Variants in MORC2 observed in about 807,000 individuals in gnomAD.
MORC2 encodes ATPase MORC2.
Under a neutral mutation model 136.0 loss-of-function variants are expected in MORC2, and 30 were observed. That is an observed-to-expected ratio of 0.22 (90% confidence interval 0.17 to 0.30). MORC2 has a LOEUF of 0.30. Among genes scored for constraint, MORC2 ranks in the 10% least tolerant of loss-of-function variants. MORC2 has a pLI of 1.00. For synonymous variants in MORC2, 439 were observed against 487.0 expected (o/e 0.90, Z 1.30); for missense variants, 922 against 1,333.1 (o/e 0.69, Z 4.80).
intron 20 of MORC2, 111 bp downstream of exon 20, chr22:30,933,949 T>C: frequency 7.4e-7 from 1 of 1,354,410 alleles, no homozygotes. Flanking sequence ...GCTGGTGGGT[T>C]GTGTAGACTG....
Position 30,932,509 on chromosome 22 carries a change from C to G in MORC2, c.2747+36G>C. The G allele has an allele frequency of 1.2e-6, 2 of 1,612,916 alleles. No individual in the cohort carries two copies. The highest frequency in any genetic ancestry group is 1.7e-6 in the Non-Finnish European group (2 of 1,178,978). On this transcript the variant is annotated intron_variant, in intron 23 of 25. Transcript: ENST00000397641. The surrounding 1 kb of genome is among the most constrained non-coding windows in gnomAD (Gnocchi z 4.4). ...GCATGGAGCAGGCAGAGAGCTGCTG[C>G]TGGCCCTGGGGTGGGAAGACAAAAG...
intron 3 of MORC2, among the ~76,000 whole-genome samples, chr22:30,955,138 A>T (rs1002252211): frequency 6.6e-6 from 1 of 151,966 alleles, no homozygotes; most frequent in Non-Finnish European, 1.5e-5. Flanking sequence ...TTGTATTTTT[A>T]GTAGAGACAG....
chr22:30,933,651 C>A, intron 20 of MORC2, 131 bp from the exon 21 acceptor site: 1 of 867,210 alleles, frequency 1.2e-6, no homozygotes, highest in African/African-American at 1.7e-5. Context: ...TCACCAAGCC[C>A]CGTTGAGAGC....
intron 1 of MORC2, among the ~76,000 whole-genome samples, chr22:30,965,173 T>TA (rs2041108587): frequency 6.6e-6 from 1 of 152,246 alleles, no homozygotes; most frequent in Non-Finnish European, 1.5e-5. Flanking sequence ...TCACTGCTTC[T>TA]AAGTCTACAT....
At chr22:30,930,629 T>C (rs929481121) in intron 24 of MORC2, among the ~76,000 whole-genome samples, 1 of 152,210 alleles carries the variant, frequency 6.6e-6, no homozygotes, top group African/African-American at 2.4e-5. Flanking sequence ...AACTCCATGT[T>C]TTTATCTCTG....
chr22:30,945,324 G>A (rs998540835), intron 6 of MORC2, among the ~76,000 whole-genome samples: 2 of 152,160 alleles, frequency 1.3e-5, no homozygotes, highest in Admixed American at 6.5e-5. Context: ...ACGTAATGAC[G>A]GAAGGCCTAC....
intron 1 of MORC2, among the ~76,000 whole-genome samples, chr22:30,962,556 C>T (rs971542328): frequency 1.3e-5 from 2 of 149,116 alleles, no homozygotes; most frequent in African/African-American, 2.5e-5. Context: ...GACTGCGCCA[C>T]GGCACACCAA....
At chr22:30,958,775 T>C in intron 1 of MORC2, 81 bp from the exon 2 acceptor site, 1 of 1,326,376 alleles carries the variant, frequency 7.5e-7, no homozygotes, top group South Asian at 1.3e-5. Context: ...TATAAAATAT[T>C]TAAGTTTTTT....
chr22:30,964,240 C>A (rs1244612661), intron 1 of MORC2, among the ~76,000 whole-genome samples: 3 of 152,064 alleles, frequency 2.0e-5, no homozygotes, highest in Non-Finnish European at 4.4e-5. Context: ...GCCTGTAGTC[C>A]CAGCTACTTG....
chr22:30,925,305 G>A lies in MORC2; in HGVS notation c.*1498C>T. 3.7e-6 allele frequency: 1 copy of A among 273,262 alleles called. No individual in the cohort carries two copies. Among genetic ancestry groups the A allele is most frequent in the South Asian group, 3.7e-5 (1 of 27,008 alleles). 16.9% of individuals were successfully genotyped at this position (273,262 alleles called of 1,614,324 possible). A position where few individuals can be genotyped will look rare whatever the true frequency, so the allele number is the denominator to read the frequency against. ...TGCCTGAGATGAAGAGAGAGAGCAG[G>A]ATGGCAGAGGAATCACCAGCTCAAG... On this transcript the variant is annotated 3_prime_UTR_variant, in exon 26 of 26. Transcript: ENST00000397641.
chr22:30,946,247 CAA>C lies in MORC2; in HGVS notation c.426+92_426+93del, dbSNP rs944638913. The C allele has an allele frequency of 1.0e-5, 9 of 902,790 alleles. No homozygotes were observed. In the Admixed American group the frequency reaches 1.2e-4, roughly 12 times the overall value. 55.9% of individuals were successfully genotyped at this position (902,790 alleles called of 1,614,324 possible). A position where few individuals can be genotyped will look rare whatever the true frequency, so the allele number is the denominator to read the frequency against. On this transcript the variant is annotated intron_variant, in intron 6 of 25. Coordinates refer to ENST00000397641, the MANE Select transcript of MORC2 (RefSeq NM_001303256.3). The stretch of plus-strand genomic sequence containing the variant: ...GGAATGTGCTCCAATCCTGCAACCC[CAA>C]AGAGTCTAGCATTGCAAATAACCTA...
chr22:30,933,946 G>A, intron 20 of MORC2, 114 bp downstream of exon 20: 4 of 1,335,294 alleles, frequency 3.0e-6, no homozygotes, highest in Non-Finnish European at 4.2e-6. Flanking sequence ...ACTGCTGGTG[G>A]GTTGTGTAGA....
intron 1 of MORC2, among the ~76,000 whole-genome samples, chr22:30,960,726 G>A (rs996395320): frequency 6.7e-6 from 1 of 150,190 alleles, no homozygotes; most frequent in Non-Finnish European, 1.5e-5. Flanking sequence ...CCCAACCTCA[G>A]GTGATCCGCC....
chr22:30,935,084 A>G lies in MORC2; in HGVS notation c.1890T>C (p.Pro630=), dbSNP rs780961511. The G allele has an allele frequency of 1.2e-6, 2 of 1,613,728 alleles. No homozygotes were observed. Among genetic ancestry groups the G allele is most frequent in the South Asian group, 2.2e-5 (2 of 91,034 alleles). ...TGGCTGGTCTAGGAGTTGGCAAAGA[A>G]GGGGGTCTGCTGGGGGCGTTCCTGA... ...AVIRNAPSRP[P]SLPTPRPASQ... is the part of the protein sequence containing the mutation. Residue 630 remains proline, a synonymous_variant, in exon 19 of 26, where the codon CCT becomes CCC. Coordinates refer to ENST00000397641, the MANE Select transcript of MORC2 (RefSeq NM_001303256.3).
rs117460626 is a variant in MORC2 at position 30,939,081 on chromosome 22, G to A, written c.1073+540C>T. ...TGAATCAAGCCACAGAGTCCAAAGA[G>A]GATCCAGACATGGAGGTGGGACAAG... On this transcript the variant is annotated intron_variant, in intron 12 of 25. Coordinates refer to ENST00000397641, the MANE Select transcript of MORC2 (RefSeq NM_001303256.3). 4.8e-3 allele frequency among the ~76,000 whole-genome samples: 728 copies of A among 152,220 alleles called. 1 individual carries two copies. Among genetic ancestry groups the A allele is most frequent in the Middle Eastern group, 0.017 (5 of 294 alleles).
intron 24 of MORC2, among the ~76,000 whole-genome samples, chr22:30,930,555 T>C (rs2040560090): frequency 6.6e-6 from 1 of 152,218 alleles, no homozygotes; most frequent in South Asian, 2.1e-4. Flanking sequence ...ACTCTTTACC[T>C]TTCTGAGCCT....
At position 30,926,372 on chromosome 22, in the gene MORC2, C is replaced by T. The variant is rs1219464709; in HGVS notation, c.*431G>A. On this transcript the variant is annotated 3_prime_UTR_variant, in exon 26 of 26. Coordinates refer to ENST00000397641, the MANE Select transcript of MORC2 (RefSeq NM_001303256.3). ...CACCACTCTAGGGGGAAGTCTCCCT[C>T]CCATCCCTCAGATCCCCACATTGTT... 2 of 153,072 alleles carry T rather than the reference C, an allele frequency of 1.3e-5. No homozygotes were observed. The highest frequency in any genetic ancestry group is 4.8e-5 in the African/African-American group (2 of 41,300). The allele number at this position is 153,072 out of a possible 1,614,324, so 9.5% of individuals were successfully genotyped here. A position where few individuals can be genotyped will look rare whatever the true frequency, so the allele number is the denominator to read the frequency against.
chr22:30,941,589 C>T lies in MORC2; in HGVS notation c.699-31G>A. 6.2e-7 allele frequency: 1 copy of T among 1,604,360 alleles called. No homozygotes were observed. Among genetic ancestry groups the T allele is most frequent in the Non-Finnish European group, 8.5e-7 (1 of 1,173,048 alleles). On this transcript the variant is annotated intron_variant, in intron 8 of 25. Coordinates refer to ENST00000397641, the MANE Select transcript of MORC2 (RefSeq NM_001303256.3). The surrounding 1 kb of genome is among the most constrained non-coding windows in gnomAD (Gnocchi z 4.6). ...GAGGGCAAAAACAGAGAAGTGCTGTCACCTGCTCCACAACAGGCCTGACCA... is the reference window on the plus strand; with the variant it reads ...GAGGGCAAAAACAGAGAAGTGCTGTTACCTGCTCCACAACAGGCCTGACCA...
chr22:30,932,539 A>C lies in MORC2; in HGVS notation c.2747+6T>G. On this transcript the variant is annotated splice_donor_region_variant and intron_variant, in intron 23 of 25. Transcript: ENST00000397641. This position sits in a 1 kb window ranked among gnomAD's most constrained non-coding sequence, Gnocchi z 4.4. The stretch of plus-strand genomic sequence containing the variant: ...CCTGGGGTGGGAAGACAAAAGACAC[A>C]TGTACCGGAGGATCTGGACAAGCAG... 1 of 1,612,170 alleles carries C rather than the reference A, an allele frequency of 6.2e-7. No homozygotes were observed. The highest frequency in any genetic ancestry group is 8.5e-7 in the Non-Finnish European group (1 of 1,179,846).
Sources: gnomAD v4.1 joint callset for allele counts (sites outside exome capture counted in the v4.1 genomes callset) on GRCh38, gnomAD v4.1.1 for gene constraint, Gnocchi (gnomAD v3.1) non-coding constraint, MANE v1.5 for transcripts, NCBI Gene and HGNC (gene_info 2026-07-23, HGNC 2026-07-21) for gene names.